Variants in HMCN1 observed in about 807,000 individuals in gnomAD.
HMCN1 encodes hemicentin 1, also known as hemicentin-1.
A neutral mutation model predicts 625.9 loss-of-function variants in HMCN1; 321 were observed. That is an observed-to-expected ratio of 0.51 (90% CI 0.47 to 0.56). The LOEUF is 0.56. Ranked by LOEUF, HMCN1 falls within the 20% of genes least tolerant of loss-of-function variation. The pLI is 0.00. For synonymous variants in HMCN1, 2,425 were observed against 2,417.6 expected, an observed-to-expected ratio of 1.00 and a Z score of -0.09; for missense variants, 6,588 against 6,887.3, an observed-to-expected ratio of 0.96 and a Z score of 1.54.
chr1:185,741,883 A>G (rs1654017040), intron 1 of HMCN1, among the ~76,000 whole-genome samples: 1 of 152,198 alleles, frequency 6.6e-6, no homozygotes. Flanking sequence ...GCCGTGTCCA[A>G]CTACTGGAAC....
chr1:185,770,445 G>T (rs1454385172), intron 1 of HMCN1, among the ~76,000 whole-genome samples: 1 of 152,140 alleles, frequency 6.6e-6, no homozygotes, highest in Non-Finnish European at 1.5e-5. Flanking sequence ...TAAAGAAAAA[G>T]ATCCAGATTC....
At chr1:186,157,712 T>C (rs1042114795) in intron 97 of HMCN1, among the ~76,000 whole-genome samples, 4 of 152,208 alleles carry the variant, frequency 2.6e-5, no homozygotes, top group Non-Finnish European at 5.9e-5. Flanking sequence ...GTTCTTGCGA[T>C]AGTTTACTGA....
intron 1 of HMCN1, among the ~76,000 whole-genome samples, chr1:185,806,056 T>C (rs1659151084): frequency 6.6e-6 from 1 of 151,236 alleles, no homozygotes. Context: ...TCCAAGCATG[T>C]ACAAACTTGA....
Position 186,144,596 on chromosome 1 carries a change from CCAGA to C in HMCN1, c.14164_14167del (p.Gln4722GlufsTer138). 3 of 1,613,984 alleles carry C rather than the reference CCAGA, an allele frequency of 1.9e-6. No individual in the cohort carries two copies. Among genetic ancestry groups the C allele is most frequent in the Non-Finnish European group, 2.5e-6 (3 of 1,179,978 alleles). On this transcript the variant is annotated frameshift_variant, in exon 91 of 107. Coordinates refer to ENST00000271588, the MANE Select transcript of HMCN1 (RefSeq NM_031935.3). LOFTEE classifies it high-confidence loss of function. ...TGTTCTGTGTCATGTGGAGGAGGTG[CCAGA>C]CAGAGAACAAGGGGCTGCTCCGACC...
intron 30 of HMCN1, among the ~76,000 whole-genome samples, chr1:186,011,829 G>A (rs1034727566): frequency 2.2e-4 from 34 of 151,988 alleles, no homozygotes; most frequent in African/African-American, 7.7e-4. Flanking sequence ...ATTTGGGGTT[G>A]GACTCATTTT....
intron 1 of HMCN1, among the ~76,000 whole-genome samples, chr1:185,801,471 C>G (rs997082345): frequency 2.6e-5 from 4 of 152,216 alleles, no homozygotes; most frequent in African/African-American, 9.7e-5. Context: ...TAGATACTCA[C>G]TTGGCCCTGA....
At chr1:185,981,109 C>T in intron 17 of HMCN1, 36 bp downstream of exon 17, 1 of 1,222,302 alleles carries the variant, frequency 8.2e-7, no homozygotes, top group Non-Finnish European at 1.2e-6. Flanking sequence ...CCATGGTCTT[C>T]AAAGTCATCA....
intron 4 of HMCN1, among the ~76,000 whole-genome samples, chr1:185,877,451 T>C (rs1365569515): frequency 6.6e-6 from 1 of 151,554 alleles, no homozygotes; most frequent in Non-Finnish European, 1.5e-5. Flanking sequence ...TATAGGGCTC[T>C]TTTTTGGTTC....
At chr1:185,953,024 T>C (rs184497735) in intron 11 of HMCN1, among the ~76,000 whole-genome samples, 7,701 of 150,514 alleles carry the variant, frequency 0.051, 565 homozygotes, top group African/African-American at 0.14. Flanking sequence ...TTGGGGGGTT[T>C]TTGCCCCCTA....
chr1:185,800,069 C>G (rs1300582125), intron 1 of HMCN1, among the ~76,000 whole-genome samples: 1 of 152,194 alleles, frequency 6.6e-6, no homozygotes, highest in Non-Finnish European at 1.5e-5. Context: ...GGTGCCTCTA[C>G]CATGCCAAAG....
In HMCN1 at chr1:185,970,277, C is replaced by A. The variant is rs561385159; in HGVS notation, c.2213-58C>A. The A allele has an allele frequency of 6.1e-6, 9 of 1,475,868 alleles. 1 individual carries two copies. The Middle Eastern group carries it at 1.4e-3, about 226-fold the overall frequency. The allele number at this position is 1,475,868 out of a possible 1,614,324, so 91.4% of individuals were successfully genotyped here. A position where few individuals can be genotyped will look rare whatever the true frequency, so the allele number is the denominator to read the frequency against. On this transcript the variant is annotated intron_variant, in intron 14 of 106. Transcript: ENST00000271588. ...GGAAGTTTTGAAATTAAACCAATAG[C>A]TGCATAAACAATTTTAATACTTTAG... is the stretch of plus-strand genomic sequence containing the variant.
chr1:186,072,516 C>G (rs1489785268), intron 52 of HMCN1, among the ~76,000 whole-genome samples: 1 of 152,002 alleles, frequency 6.6e-6, no homozygotes, highest in Non-Finnish European at 1.5e-5. Context: ...TTTAGGAAGG[C>G]AAAACTAAAC....
rs761771647 is a variant in HMCN1 at position 186,182,195 on chromosome 1, C to A, written c.16322C>A (p.Ala5441Asp). Residue 5441 changes from alanine (A) to aspartate (D), a missense_variant, in exon 105 of 107, where the codon GCC becomes GAC. Physicochemically the swap from Ala to Asp is moderately radical, Grantham distance 126. Coordinates refer to ENST00000271588, the MANE Select transcript of HMCN1 (RefSeq NM_031935.3). Reference sequence around the variant, plus strand: ...ATTGATGAATGTGAAAATACAGATGCCTGCCAGCATGAGTGTAAGAATACC... The same window carrying A: ...ATTGATGAATGTGAAAATACAGATGACTGCCAGCATGAGTGTAAGAATACC... ...VDIDECENTD[A>D]CQHECKNTFG... 7.4e-6 allele frequency: 12 copies of A among 1,613,308 alleles called. No individual in the cohort carries two copies. In the East Asian group the frequency reaches 2.2e-4, roughly 30 times the overall value.
Position 186,137,651 on chromosome 1 carries a change from A to C in HMCN1, c.13736A>C (p.Gln4579Pro), listed in dbSNP as rs773971652. 3.1e-6 allele frequency: 5 copies of C among 1,613,956 alleles called. No homozygotes were observed. In the African/African-American group the frequency reaches 6.7e-5, roughly 22 times the overall value. The change falls in exon 88 of 107, where the codon CAA (glutamine) becomes CCA (proline). Residue 4579 changes from glutamine to proline, a missense_variant. Gln to Pro is a moderately conservative substitution (Grantham distance 76). Transcript: ENST00000271588. ...QGSDLEMRNCQNKPCPVDGSW... is the reference protein window; with the variant it reads ...QGSDLEMRNCPNKPCPVDGSW... ...TCAGATTTGGAAATGCGAAACTGTC[A>C]AAATAAGCCTTGTCCAGGTACACCT...
chr1:185,772,105 G>C (rs1337441233), intron 1 of HMCN1, among the ~76,000 whole-genome samples: 1 of 152,182 alleles, frequency 6.6e-6, no homozygotes, highest in African/African-American at 2.4e-5. Flanking sequence ...GGAACAACAA[G>C]TAATCTAGAG....
At chr1:185,923,315 C>T in intron 7 of HMCN1, 75 bp from the exon 8 acceptor site, 1 of 1,129,462 alleles carries the variant, frequency 8.9e-7, no homozygotes, top group South Asian at 1.3e-5. Context: ...ATATTATTAT[C>T]ATGCAAATAC....
intron 4 of HMCN1, among the ~76,000 whole-genome samples, chr1:185,893,139 G>A (rs1665239069): frequency 1.3e-5 from 2 of 152,228 alleles, no homozygotes; most frequent in African/African-American, 2.4e-5. Flanking sequence ...TGCACTTCCT[G>A]AGTGAGGCAA....
rs767704216 is a variant in HMCN1, at chr1:186,000,268, CTGTT to C, written c.4069+32_4069+35del. 3.9e-6 allele frequency: 6 copies of C among 1,530,488 alleles called. No homozygotes were observed. In the East Asian group the frequency reaches 1.1e-4, roughly 29 times the overall value. The allele number at this position is 1,530,488 out of a possible 1,614,324, so 94.8% of individuals were successfully genotyped here. A position where few individuals can be genotyped will look rare whatever the true frequency, so the allele number is the denominator to read the frequency against. On this transcript the variant is annotated intron_variant, in intron 26 of 106. Coordinates refer to ENST00000271588, the MANE Select transcript of HMCN1 (RefSeq NM_031935.3). ...AATGTAGCTAAAATCATGTAACTGA[CTGTT>C]TGCCAGTCTCCAGTTCTTAAATGTT...
At chr1:185,976,105 T>C (rs1054217252) in intron 15 of HMCN1, among the ~76,000 whole-genome samples, 1 of 152,174 alleles carries the variant, frequency 6.6e-6, no homozygotes, top group African/African-American at 2.4e-5. Flanking sequence ...TGGTGATTGC[T>C]ATGAGAATGG....
Sources: allele counts gnomAD v4.1 joint callset (sites outside exome capture counted in the v4.1 genomes callset), GRCh38; gene constraint gnomAD v4.1.1; transcripts MANE v1.5; gene names NCBI Gene and HGNC (gene_info 2026-07-23, HGNC 2026-07-21).